Variants in EPOR observed in about 807,000 individuals in gnomAD.
The protein encoded by EPOR is erythropoietin receptor.
Under a neutral mutation model 34.3 loss-of-function variants are expected in EPOR, and 20 were observed. The observed-to-expected ratio is 0.58, with a 90% CI of 0.41 to 0.85. The LOEUF is 0.85. Ranked by LOEUF, EPOR falls within the 40% of genes least tolerant of loss-of-function variation. The probability of loss-of-function intolerance (pLI) is 0.00; values close to 1 mark genes in which losing one functional copy is unlikely to be tolerated. For missense variants in EPOR, 601 were observed against 672.7 expected, an observed-to-expected ratio of 0.89 and a Z score of 1.18; for synonymous variants, 312 against 299.0, an observed-to-expected ratio of 1.04 and a Z score of -0.45.
rs779242842 is a variant in EPOR, at chr19:11,377,784, T to C, written c.*200A>G. The stretch of plus-strand genomic sequence containing the variant: ...AAACTTACATACATATGTGTATATA[T>C]ATATATAGATACAAAAAAAAACTAT... On this transcript the variant is annotated 3_prime_UTR_variant, in exon 8 of 8. Transcript: ENST00000222139. 6 of 719,792 alleles carry C rather than the reference T, an allele frequency of 8.3e-6. No individual in the cohort carries two copies. The highest frequency in any genetic ancestry group is 3.7e-4 in the Middle Eastern group (1 of 2,734). 44.6% of individuals were successfully genotyped at this position (719,792 alleles called of 1,614,324 possible).
rs1968393115 is a variant in EPOR, at chr19:11,383,441, C to G, written c.116-209G>C. ...AGTTTCTCGCCTTACTGTCCCCCGC[C>G]GTCACCACTGGCGCACACCTGCCCA... On this transcript the variant is annotated intron_variant, in intron 1 of 7. Transcript: ENST00000222139. This position sits in a 1 kb window ranked among gnomAD's most constrained non-coding sequence, Gnocchi z 4.9. 4 of 548,768 alleles carry G rather than the reference C, an allele frequency of 7.3e-6. No individual in the cohort carries two copies. In the South Asian group the frequency reaches 7.7e-5, roughly 11 times the overall value. The allele number at this position is 548,768 out of a possible 1,614,324, so 34.0% of individuals were successfully genotyped here. A position where few individuals can be genotyped will look rare whatever the true frequency, so the allele number is the denominator to read the frequency against.
chr19:11,377,305 C>T lies in EPOR; in HGVS notation c.*679G>A. The stretch of plus-strand genomic sequence containing the variant: ...TGGGTGTACAGCTAAACTAAGTTTC[C>T]TGGCCTTTCATGTGACTGGGGTCAT... On this transcript the variant is annotated 3_prime_UTR_variant, in exon 8 of 8. Coordinates refer to ENST00000222139, the MANE Select transcript of EPOR (RefSeq NM_000121.4). The T allele has an allele frequency of 2.2e-6, 1 of 454,024 alleles. No individual in the cohort carries two copies. The highest frequency in any genetic ancestry group is 4.4e-6 in the Non-Finnish European group (1 of 226,782). The allele number at this position is 454,024 out of a possible 1,614,324, so 28.1% of individuals were successfully genotyped here. A position where few individuals can be genotyped will look rare whatever the true frequency, so the allele number is the denominator to read the frequency against.
In EPOR at chr19:11,381,872, G is replaced by C. The variant is rs1396545665; in HGVS notation, c.428-23C>G. On this transcript the variant is annotated intron_variant, in intron 3 of 7. Coordinates refer to ENST00000222139, the MANE Select transcript of EPOR (RefSeq NM_000121.4). The surrounding 1 kb of genome is among the most constrained non-coding windows in gnomAD (Gnocchi z 5.3). The stretch of plus-strand genomic sequence containing the variant: ...GCACTGCAGGCATGGGGGTTGGTCA[G>C]GTGGGCGAGGACTGAGACCCTCTCC... The C allele has an allele frequency of 1.2e-6, 2 of 1,614,096 alleles. No homozygotes were observed. The highest frequency in any genetic ancestry group is 1.3e-5 in the African/African-American group (1 of 74,950).
Position 11,381,606 on chromosome 19 carries a change from A to G in EPOR, c.585+86T>C. 1 of 1,424,300 alleles carries G rather than the reference A, an allele frequency of 7.0e-7. No individual in the cohort carries two copies. Among genetic ancestry groups the G allele is most frequent in the Non-Finnish European group, 9.6e-7 (1 of 1,045,270 alleles). The allele number at this position is 1,424,300 out of a possible 1,614,324, so 88.2% of individuals were successfully genotyped here. A position where few individuals can be genotyped will look rare whatever the true frequency, so the allele number is the denominator to read the frequency against. On this transcript the variant is annotated intron_variant, in intron 4 of 7. Coordinates refer to ENST00000222139, the MANE Select transcript of EPOR (RefSeq NM_000121.4). This position sits in a 1 kb window ranked among gnomAD's most constrained non-coding sequence, Gnocchi z 5.3. The stretch of plus-strand genomic sequence containing the variant: ...GTGGGATGTTACGGACCGGCCCTGA[A>G]AGCGGCACCGGGCGCGACCTCGAGA...
Position 11,382,096 on chromosome 19 carries a change from T to A in EPOR, c.261A>T (p.Pro87=), listed in dbSNP as rs1487582960. The A allele has an allele frequency of 1.2e-6, 2 of 1,613,686 alleles. No homozygotes were observed. Among genetic ancestry groups the A allele is most frequent in the Non-Finnish European group, 8.5e-7 (1 of 1,179,774 alleles). ...CCTGGTGCAGGCGACACAGCTTCCATGGCTCATCCCTATGCGCCCAGGGAA... is the reference window on the plus strand; with the variant it reads ...CCTGGTGCAGGCGACACAGCTTCCAAGGCTCATCCCTATGCGCCCAGGGAA... The part of the protein sequence containing the change: ...YSFSYQLEDE[P]WKLCRLHQAP... Residue 87 remains proline, a synonymous_variant, in exon 3 of 8, where the codon CCA becomes CCT. Coordinates refer to ENST00000222139, the MANE Select transcript of EPOR (RefSeq NM_000121.4).
rs1012101669 is a variant in EPOR, at chr19:11,383,584, A to C, written c.116-352T>G. On this transcript the variant is annotated intron_variant, in intron 1 of 7. Transcript: ENST00000222139. The surrounding 1 kb of genome is among the most constrained non-coding windows in gnomAD (Gnocchi z 4.9). ...GTGTGTGCGGAGAGGCGGGCCCCCT[A>C]TCGGCCCCGGCAGGCTCCCCGCCAA... is the stretch of plus-strand genomic sequence containing the variant. The C allele has an allele frequency of 2.8e-5, 7 of 253,934 alleles. No homozygotes were observed. The highest frequency in any genetic ancestry group is 1.9e-4 in the East Asian group (2 of 10,444). 15.7% of individuals were successfully genotyped at this position (253,934 alleles called of 1,614,324 possible).
intron 6 of EPOR, among the ~76,000 whole-genome samples, chr19:11,380,287 A>G (rs1221772952): frequency 6.6e-6 from 1 of 152,238 alleles, no homozygotes; most frequent in East Asian, 1.9e-4. Context: ...ACTTGTGGTC[A>G]GGGTCTAGCT....
At position 11,380,902 on chromosome 19, in the gene EPOR, G is replaced by T. The variant is rs1232823164; in HGVS notation, c.809C>A (p.Ala270Glu). ...AGCTCACCGGCGGTGGGAGAGCAGC[G>T]CGAGCACGGTCAGCAGCACCAGGAT... is the stretch of plus-strand genomic sequence containing the variant. ...VVILVLLTVLALLSHRRALKQ... is the reference protein window; with the variant it reads ...VVILVLLTVLELLSHRRALKQ... Residue 270 changes from alanine to glutamate, a missense_variant, in exon 6 of 8, where the codon GCG (alanine) becomes GAG (glutamate). Ala to Glu is a moderately radical substitution (Grantham distance 107, BLOSUM62 -1). Transcript: ENST00000222139. The T allele has an allele frequency of 1.3e-6, 2 of 1,551,576 alleles. No homozygotes were observed. The highest frequency in any genetic ancestry group is 2.7e-5 in the African/African-American group (2 of 73,058).
At position 11,381,308 on chromosome 19, in the gene EPOR, G is replaced by T. The variant is rs538164797; in HGVS notation, c.586-99C>A. The stretch of plus-strand genomic sequence containing the variant: ...TGAGCCAATCAGGGGAAAGGAAAAC[G>T]GTGCCCTAGAATTGCAATGGGACCA... On this transcript the variant is annotated intron_variant, in intron 4 of 7. Coordinates refer to ENST00000222139, the MANE Select transcript of EPOR (RefSeq NM_000121.4). This position sits in a 1 kb window ranked among gnomAD's most constrained non-coding sequence, Gnocchi z 5.3. 1 of 1,371,386 alleles carries T rather than the reference G, an allele frequency of 7.3e-7. No homozygotes were observed. The highest frequency in any genetic ancestry group is 1.0e-6 in the Non-Finnish European group (1 of 991,754). 85.0% of individuals were successfully genotyped at this position (1,371,386 alleles called of 1,614,324 possible).
chr19:11,378,683 C>T lies in EPOR; in HGVS notation c.915+8G>A. On this transcript the variant is annotated splice_region_variant and intron_variant, in intron 7 of 7. Coordinates refer to ENST00000222139, the MANE Select transcript of EPOR (RefSeq NM_000121.4). The surrounding 1 kb of genome is among the most constrained non-coding windows in gnomAD (Gnocchi z 5.3). ...CCCAGGCACTGAGGGGACAACCAGG[C>T]CACCTACCTGGAAGTTACCCTTGTG... 6.2e-7 allele frequency: 1 copy of T among 1,614,120 alleles called. No individual in the cohort carries two copies. Among genetic ancestry groups the T allele is most frequent in the Non-Finnish European group, 8.5e-7 (1 of 1,179,950 alleles).
In EPOR at chr19:11,380,936, G is replaced by A. The variant is rs1968346296; in HGVS notation, c.775C>T (p.Leu259Phe). ...DPLILTLSLI[L>F]VVILVLLTVL... is the part of the protein sequence containing the mutation. ...GTCAGCAGCACCAGGATGACCACGA[G>A]GATGAGGGAGAGCGTCAGGATGAGG... Residue 259 changes from leucine to phenylalanine, a missense_variant, in exon 6 of 8, where the codon CTC (leucine) becomes TTC (phenylalanine). Coordinates refer to ENST00000222139, the MANE Select transcript of EPOR (RefSeq NM_000121.4). The A allele has an allele frequency of 1.9e-6, 3 of 1,552,156 alleles. No individual in the cohort carries two copies. Among genetic ancestry groups the A allele is most frequent in the Non-Finnish European group, 2.6e-6 (3 of 1,147,150 alleles).
rs201953069 is a variant in EPOR at position 11,378,754 on chromosome 19, A to G, written c.852T>C (p.Pro284=). ...HRRALKQKIW[P]GIPSPESEFE... ...ACTCGCTCTCTGGGCTCGGGATGCC[A>G]GGCCAGATCTTCTGCTTCAGAGCCC... The change falls in exon 7 of 8, where the codon CCT becomes CCC. Residue 284 remains proline, a synonymous_variant. Coordinates refer to ENST00000222139, the MANE Select transcript of EPOR (RefSeq NM_000121.4). The surrounding 1 kb of genome is among the most constrained non-coding windows in gnomAD (Gnocchi z 5.3). 50 of 1,614,202 alleles carry G rather than the reference A, an allele frequency of 3.1e-5. No homozygotes were observed. Among genetic ancestry groups the G allele is most frequent in the Non-Finnish European group, 3.6e-5 (42 of 1,180,038 alleles).
At chr19:11,384,033 C>T in intron 1 of EPOR, 60 bp downstream of exon 1, 1 of 1,169,078 alleles carries the variant, frequency 8.6e-7, no homozygotes, top group Non-Finnish European at 1.2e-6. Flanking sequence ...GCTGGGAGTT[C>T]AGGCCCCAGC....
rs374306024 is a variant in EPOR, at chr19:11,381,310, T to A, written c.586-101A>T. 5.5e-5 allele frequency: 74 copies of A among 1,336,404 alleles called. No homozygotes were observed. Among genetic ancestry groups the A allele is most frequent in the African/African-American group, 1.0e-4 (7 of 69,096 alleles). The allele number at this position is 1,336,404 out of a possible 1,614,324, so 82.8% of individuals were successfully genotyped here. A position where few individuals can be genotyped will look rare whatever the true frequency, so the allele number is the denominator to read the frequency against. ...AGCCAATCAGGGGAAAGGAAAACGG[T>A]GCCCTAGAATTGCAATGGGACCAAT... is the stretch of plus-strand genomic sequence containing the variant. On this transcript the variant is annotated intron_variant, in intron 4 of 7. Transcript: ENST00000222139. The surrounding 1 kb of genome is among the most constrained non-coding windows in gnomAD (Gnocchi z 5.3).
At chr19:11,379,861 T>G (rs1968333021) in intron 6 of EPOR, among the ~76,000 whole-genome samples, 1 of 152,172 alleles carries the variant, frequency 6.6e-6, no homozygotes, top group African/African-American at 2.4e-5. Context: ...GCCACCACGC[T>G]TGGCTAGTTT....
In EPOR at chr19:11,383,212, C is replaced by G; in HGVS notation, c.136G>C (p.Gly46Arg). 1 of 1,602,904 alleles carries G rather than the reference C, an allele frequency of 6.2e-7. No homozygotes were observed. Among genetic ancestry groups the G allele is most frequent in the Non-Finnish European group, 8.5e-7 (1 of 1,175,092 alleles). Residue 46 changes from glycine (G) to arginine (R), a missense_variant, in exon 2 of 8, where the codon GGG becomes CGG. Physicochemically the swap from Gly to Arg is moderately radical, Grantham distance 125 (BLOSUM62 -2). Coordinates refer to ENST00000222139, the MANE Select transcript of EPOR (RefSeq NM_000121.4). The surrounding 1 kb of genome is among the most constrained non-coding windows in gnomAD (Gnocchi z 4.9). Reference protein sequence around the residue: ...ESKAALLAARGPEELLCFTER... With the variant: ...ESKAALLAARRPEELLCFTER... ...GTGAAGCACAGAAGCTCTTCGGGCC[C>G]CCGGGCCGCCAGCAAGGCCGCTGGG...
At position 11,381,984 on chromosome 19, in the gene EPOR, T is replaced by C. The variant is rs377550572; in HGVS notation, c.373A>G (p.Thr125Ala). 1 of 1,614,216 alleles carries C rather than the reference T, an allele frequency of 6.2e-7. No homozygotes were observed. The highest frequency in any genetic ancestry group is 1.6e-4 in the Middle Eastern group (1 of 6,062). The change falls in exon 3 of 8, where the codon ACA becomes GCA. Residue 125 changes from threonine (T) to alanine (A), a missense_variant. Thr to Ala is a moderately conservative substitution (Grantham distance 58). Coordinates refer to ENST00000222139, the MANE Select transcript of EPOR (RefSeq NM_000121.4). This position sits in a 1 kb window ranked among gnomAD's most constrained non-coding sequence, Gnocchi z 5.3. ...TATCGCGGAGCGCCGGAGGCTGCTG[T>C]GACGCGCAACTCTAGGGGCACGAAG... Reference protein sequence around the residue: ...SSFVPLELRVTAASGAPRYHR... With the variant: ...SSFVPLELRVAAASGAPRYHR...
rs1421519967 is a variant in EPOR at position 11,377,609 on chromosome 19, T to C, written c.*375A>G. 4 of 465,416 alleles carry C rather than the reference T, an allele frequency of 8.6e-6. No homozygotes were observed. In the Admixed American group the frequency reaches 9.3e-5, roughly 11 times the overall value. 28.8% of individuals were successfully genotyped at this position (465,416 alleles called of 1,614,324 possible). A position where few individuals can be genotyped will look rare whatever the true frequency, so the allele number is the denominator to read the frequency against. On this transcript the variant is annotated 3_prime_UTR_variant, in exon 8 of 8. Coordinates refer to ENST00000222139, the MANE Select transcript of EPOR (RefSeq NM_000121.4). Reference sequence around the variant, plus strand: ...TGGTAAGCCAGTAAGATTTAAGAGCTGTTTAACATACTATTTTGTTATGTT... The same window carrying C: ...TGGTAAGCCAGTAAGATTTAAGAGCCGTTTAACATACTATTTTGTTATGTT...
In EPOR at chr19:11,381,910, T is replaced by C. The variant is rs751254435; in HGVS notation, c.427+20A>G. On this transcript the variant is annotated intron_variant, in intron 3 of 7. Coordinates refer to ENST00000222139, the MANE Select transcript of EPOR (RefSeq NM_000121.4). The surrounding 1 kb of genome is among the most constrained non-coding windows in gnomAD (Gnocchi z 5.3). Reference sequence around the variant, plus strand: ...TGAGACCCTCTCCTCCGACCACTCCTCCATTCCCAGAGCACTTACCTACTT... The same window carrying C: ...TGAGACCCTCTCCTCCGACCACTCCCCCATTCCCAGAGCACTTACCTACTT... The C allele has an allele frequency of 6.2e-7, 1 of 1,614,200 alleles. No individual in the cohort carries two copies. The highest frequency in any genetic ancestry group is 1.1e-5 in the South Asian group (1 of 91,090).
Sources: gnomAD v4.1 joint callset for allele counts (sites outside exome capture counted in the v4.1 genomes callset) on GRCh38, gnomAD v4.1.1 for gene constraint, Gnocchi (gnomAD v3.1) non-coding constraint, MANE v1.5 for transcripts, NCBI Gene and HGNC (gene_info 2026-07-23, HGNC 2026-07-21) for gene names.